AP3B1: variants seen among roughly 807,000 people sequenced by gnomAD.
AP3B1 encodes adaptor related protein complex 3 subunit beta 1.
AP3B1 carries 61 observed loss-of-function variants against 132.5 expected under a neutral mutation model. That is an observed-to-expected ratio of 0.46 (90% confidence interval 0.37 to 0.57). The LOEUF is 0.57. Among genes scored for constraint, AP3B1 ranks in the 20% least tolerant of loss-of-function variants. The pLI, the probability that AP3B1 is intolerant of heterozygous loss-of-function variation, is 0.00. For missense variants in AP3B1, 1,120 were observed against 1,289.4 expected (o/e 0.87, Z 2.01); for synonymous variants, 388 against 438.3 (o/e 0.89, Z 1.43).
chr5:78,063,228 G>T (rs1231890377), intron 22 of AP3B1, among the ~76,000 whole-genome samples: 1 of 152,112 alleles, frequency 6.6e-6, no homozygotes, highest in African/African-American at 2.4e-5. Context: ...ACAAAATAAA[G>T]ATCATTTCAT....
At chr5:78,112,453 C>T (rs947365730) in intron 19 of AP3B1, among the ~76,000 whole-genome samples, 6 of 152,066 alleles carry the variant, frequency 3.9e-5, no homozygotes, top group Non-Finnish European at 7.4e-5. Flanking sequence ...AGAGAAAAAT[C>T]CATTTCTGAA....
intron 7 of AP3B1, among the ~76,000 whole-genome samples, chr5:78,185,714 A>T (rs1198198140): frequency 6.6e-6 from 1 of 152,070 alleles, no homozygotes; most frequent in Non-Finnish European, 1.5e-5. Context: ...AAAAAATAAA[A>T]CAAAACTCAG....
chr5:78,098,153 C>A (rs887198447), intron 21 of AP3B1, among the ~76,000 whole-genome samples: 6 of 151,444 alleles, frequency 4.0e-5, no homozygotes, highest in Non-Finnish European at 8.9e-5. Context: ...CGGAAGGCCG[C>A]AGGGTCCTCT....
intron 22 of AP3B1, among the ~76,000 whole-genome samples, chr5:78,053,532 T>C (rs1270920776): frequency 1.7e-4 from 26 of 151,728 alleles, no homozygotes; most frequent in Admixed American, 1.7e-3. Context: ...ATACAAAAAT[T>C]AGCTGGGCAT....
intron 1 of AP3B1, among the ~76,000 whole-genome samples, chr5:78,273,150 A>G (rs573002007): frequency 6.6e-6 from 1 of 152,236 alleles, no homozygotes; most frequent in South Asian, 2.1e-4. Context: ...TATTAATATA[A>G]TCCCAGCAGT....
chr5:78,040,518 C>T (rs943694898), intron 22 of AP3B1, among the ~76,000 whole-genome samples: 3 of 152,074 alleles, frequency 2.0e-5, no homozygotes, highest in African/African-American at 4.8e-5. Flanking sequence ...GAACATTAGA[C>T]TCTTAATTAA....
At chr5:78,243,057 T>TA (rs1747212321) in intron 2 of AP3B1, among the ~76,000 whole-genome samples, 1 of 152,244 alleles carries the variant, frequency 6.6e-6, no homozygotes, top group Admixed American at 6.5e-5. Context: ...TTCTATATGA[T>TA]AGCCTTAAAA....
intron 7 of AP3B1, among the ~76,000 whole-genome samples, chr5:78,199,562 T>C (rs892932426): frequency 1.3e-5 from 2 of 152,162 alleles, no homozygotes; most frequent in Admixed American, 6.5e-5. Context: ...CTCCATACCT[T>C]AATCTCTAAA....
chr5:78,143,931 G>T (rs1350928601), intron 14 of AP3B1, among the ~76,000 whole-genome samples: 1 of 152,080 alleles, frequency 6.6e-6, no homozygotes, highest in African/African-American at 2.4e-5. Context: ...CTTGAACTCA[G>T]GAGGCAGAGG....
chr5:78,180,045 T>C lies in AP3B1; in HGVS notation c.942+1462A>G, dbSNP rs1253968142. Among the ~76,000 whole-genome samples, 6 of 152,228 alleles carry C rather than the reference T, an allele frequency of 3.9e-5. No individual in the cohort carries two copies. The East Asian group carries it at 1.2e-3, about 29-fold the overall frequency. On this transcript the variant is annotated intron_variant, in intron 8 of 26. Coordinates refer to ENST00000255194, the MANE Select transcript of AP3B1 (RefSeq NM_003664.5). ...CCTAGTTAAATGAACAGTGAGTCAC[T>C]CATAAAGTACAGCTTAAGATGGCAA...
intron 13 of AP3B1, 59 bp downstream of exon 13, chr5:78,162,759 AT>A: frequency 6.3e-7 from 1 of 1,582,748 alleles, no homozygotes; most frequent in Non-Finnish European, 8.6e-7. Flanking sequence ...CAACTTGGAA[AT>A]AATACCAAGA....
chr5:78,146,670 A>AT (rs1753411304), intron 14 of AP3B1, among the ~76,000 whole-genome samples: 1 of 151,852 alleles, frequency 6.6e-6, no homozygotes, highest in Non-Finnish European at 1.5e-5. Flanking sequence ...TTCTGTTTTG[A>AT]TTCGTTTTTC....
chr5:78,033,779 A>C (rs1292274078), intron 24 of AP3B1, among the ~76,000 whole-genome samples: 4 of 151,952 alleles, frequency 2.6e-5, no homozygotes, highest in Non-Finnish European at 5.9e-5. Flanking sequence ...ACAAAATCCA[A>C]TCCTAAAAAA....
rs80341449 is a variant in AP3B1 at position 78,155,609 on chromosome 5, A to T, written c.1473+649T>A. Among the ~76,000 whole-genome samples the T allele has an allele frequency of 4.3e-3, 649 of 152,284 alleles. 8 individuals are homozygous for T. The highest frequency in any genetic ancestry group is 0.015 in the African/African-American group (637 of 41,562). On this transcript the variant is annotated intron_variant, in intron 14 of 26. Transcript: ENST00000255194. Reference sequence around the variant, plus strand: ...GAAAACATACACAAACCTTGAAAACATGCTAAGTGAAAGATGCCAGAAACA... The same window carrying T: ...GAAAACATACACAAACCTTGAAAACTTGCTAAGTGAAAGATGCCAGAAACA...
intron 21 of AP3B1, among the ~76,000 whole-genome samples, chr5:78,096,659 C>T (rs1355041650): frequency 3.6e-4 from 55 of 151,660 alleles, no homozygotes; most frequent in Non-Finnish European, 6.2e-4. Context: ...TCTGCCCGGC[C>T]GCGACTCCGT....
In AP3B1 at chr5:78,239,508, T is replaced by A. The variant is rs1483143850; in HGVS notation, c.279+1354A>T. On this transcript the variant is annotated intron_variant, in intron 3 of 26. Coordinates refer to ENST00000255194, the MANE Select transcript of AP3B1 (RefSeq NM_003664.5). ...AAAAAAAAAAGCCAGGCACGGTTGG[T>A]CACGCCTGTAATCCTAGCACTTTGG... Among the ~76,000 whole-genome samples, 3 of 140,882 alleles carry A rather than the reference T, an allele frequency of 2.1e-5. No individual in the cohort carries two copies. In the South Asian group the frequency reaches 6.7e-4, roughly 32 times the overall value. The allele number at this position is 140,882 out of a possible 152,430, so 92.4% of individuals were successfully genotyped here.
chr5:78,104,744 T>C lies in AP3B1; in HGVS notation c.2398-3719A>G, dbSNP rs114500133. 7.8e-3 allele frequency among the ~76,000 whole-genome samples: 1,181 copies of C among 152,260 alleles called. 9 individuals are homozygous for C. The highest frequency in any genetic ancestry group is 0.024 in the Middle Eastern group (7 of 294). ...AAAGATCTTTATTGCCAAAATCTTT[T>C]ATTAAGGCAAATCTTAACATTTACT... On this transcript the variant is annotated intron_variant, in intron 20 of 26. Coordinates refer to ENST00000255194, the MANE Select transcript of AP3B1 (RefSeq NM_003664.5).
At chr5:78,044,999 G>T (rs570079580) in intron 22 of AP3B1, among the ~76,000 whole-genome samples, 1 of 152,136 alleles carries the variant, frequency 6.6e-6, no homozygotes, top group Non-Finnish European at 1.5e-5. Flanking sequence ...ATAATTCCCA[G>T]AGGTCTATGC....
intron 14 of AP3B1, among the ~76,000 whole-genome samples, chr5:78,145,351 A>C (rs948688034): frequency 7.2e-5 from 11 of 152,206 alleles, no homozygotes; most frequent in African/African-American, 2.2e-4. Context: ...AGCCCTATGA[A>C]GTATGCTCTA....
Sources: gnomAD v4.1 joint callset for allele counts (sites outside exome capture counted in the v4.1 genomes callset) on GRCh38, gnomAD v4.1.1 for gene constraint, MANE v1.5 for transcripts, NCBI Gene and HGNC (gene_info 2026-07-23, HGNC 2026-07-21) for gene names.